The following SLC9C1 variants were observed in gnomAD, a reference collection of about 807,000 sequenced individuals.
SLC9C1 encodes solute carrier family 9 member C1, also known as sodium/hydrogen exchanger 10.
In SLC9C1, 97 loss-of-function variants were observed where a neutral mutation model predicts 140.9. The observed-to-expected ratio is 0.69, with a 90% confidence interval of 0.58 to 0.82. The LOEUF is 0.82. Ranked by LOEUF, SLC9C1 falls within the 40% of genes least tolerant of loss-of-function variation. The pLI, the probability that SLC9C1 is intolerant of heterozygous loss-of-function variation, is 0.00. For synonymous variants in SLC9C1, 440 were observed against 442.6 expected, an observed-to-expected ratio of 0.99 and a Z score of 0.07; for missense variants, 1,340 against 1,389.3, an observed-to-expected ratio of 0.96 and a Z score of 0.56.
intron 13 of SLC9C1, among the ~76,000 whole-genome samples, chr3:112,230,491 G>T (rs2078791450): frequency 6.6e-6 from 1 of 152,198 alleles, no homozygotes; most frequent in African/African-American, 2.4e-5. Context: ...CACCATGTGG[G>T]CATTAGCTTC....
At chr3:112,205,862 T>C (rs1253168568) in intron 16 of SLC9C1, among the ~76,000 whole-genome samples, 1 of 84,784 alleles carries the variant, frequency 1.2e-5, no homozygotes, top group Non-Finnish European at 2.5e-5. Flanking sequence ...TCAAGATGGA[T>C]TAAAGACTTA....
At chr3:112,166,071 G>C (rs574070236) in intron 26 of SLC9C1, among the ~76,000 whole-genome samples, 2 of 152,240 alleles carry the variant, frequency 1.3e-5, no homozygotes, top group African/African-American at 4.8e-5. Context: ...CTCCAAGCCA[G>C]GCGCTGGATA....
In SLC9C1 at chr3:112,236,983, G is replaced by A. The variant is rs7640503; in HGVS notation, c.1446+2857C>T. Among the ~76,000 whole-genome samples the A allele has an allele frequency of 4.9e-3, 745 of 152,284 alleles. 8 individuals are homozygous for A. Among genetic ancestry groups the A allele is most frequent in the African/African-American group, 0.017 (705 of 41,550 alleles). Reference sequence around the variant, plus strand: ...AGTTCTGTAGATGTCTGTTAGGTCCGCTTGGTGCAGAGCTGAGCTCATTTC... The same window carrying A: ...AGTTCTGTAGATGTCTGTTAGGTCCACTTGGTGCAGAGCTGAGCTCATTTC... On this transcript the variant is annotated intron_variant, in intron 12 of 28. Coordinates refer to ENST00000305815, the MANE Select transcript of SLC9C1 (RefSeq NM_183061.3).
Position 112,275,011 on chromosome 3 carries a change from G to A in SLC9C1, c.499C>T (p.Leu167Phe). 1 of 1,568,858 alleles carries A rather than the reference G, an allele frequency of 6.4e-7. No homozygotes were observed. The change falls in exon 6 of 29, where the codon CTC (leucine) becomes TTC (phenylalanine). Residue 167 changes from leucine (L) to phenylalanine (F), a missense_variant. Physicochemically the swap from Leu to Phe is conservative, Grantham distance 22 (BLOSUM62 0). Transcript: ENST00000305815. The part of the protein sequence containing the change: ...AIRDLGLSRS[L>F]ISLINGESLM... ...CTTTCTCCATTAATTAAACTGATGA[G>A]GCTTCTAGAAAGCCCTACATATGTT...
chr3:112,231,445 A>G lies in SLC9C1; in HGVS notation c.1488T>C (p.Cys496=), dbSNP rs1211181971. 1.2e-6 allele frequency: 2 copies of G among 1,612,798 alleles called. No individual in the cohort carries two copies. The highest frequency in any genetic ancestry group is 1.7e-6 in the Non-Finnish European group (2 of 1,179,448). Residue 496 remains cysteine, a synonymous_variant, in exon 13 of 29, where the codon TGT becomes TGC. Coordinates refer to ENST00000305815, the MANE Select transcript of SLC9C1 (RefSeq NM_183061.3). The part of the protein sequence containing the change: ...EETTEHQKVK[C]PHCNKEIDEI... ...CATCTATTTCCTTGTTACAGTGTGG[A>G]CATTTCACCTTCTGATGTTCTGTTG...
rs187180007 is a variant in SLC9C1 at position 112,282,624 on chromosome 3, A to G, written c.89-1841T>C. On this transcript the variant is annotated intron_variant, in intron 2 of 28. Transcript: ENST00000305815. ...TTCTCACTTTTTTGTCCTAATCCTA[A>G]TAATTTGTTAAGGGCAGTACATTGT... Among the ~76,000 whole-genome samples, 16 of 151,424 alleles carry G rather than the reference A, an allele frequency of 1.1e-4. No individual in the cohort carries two copies. In the East Asian group the frequency reaches 3.1e-3, roughly 30 times the overall value.
At chr3:112,223,576 CAAAGAAT>C (rs982388819) in intron 13 of SLC9C1, among the ~76,000 whole-genome samples, 2 of 150,262 alleles carry the variant, frequency 1.3e-5, no homozygotes, top group African/African-American at 2.5e-5. Context: ...AACAAATAAA[CAAAGAAT>C]GATATATCTC....
intron 7 of SLC9C1, among the ~76,000 whole-genome samples, chr3:112,269,019 ATTTAGCTTTACTTGAT>A (rs1184817724): frequency 6.6e-6 from 1 of 152,234 alleles, no homozygotes; most frequent in African/African-American, 2.4e-5. Context: ...ATACTCTAAC[ATTTAGCTTTACTTGAT>A]ATGTAACTTC....
intron 28 of SLC9C1, chr3:112,151,328 T>C (rs2074971722): frequency 1.9e-6 from 1 of 518,834 alleles, no homozygotes; most frequent in Non-Finnish European, 3.8e-6. Context: ...TTGCTTTCTT[T>C]TATCCTCTCT....
intron 1 of SLC9C1, among the ~76,000 whole-genome samples, chr3:112,290,814 C>CTTTTTTTTTTTT (rs11412854): frequency 7.2e-6 from 1 of 137,956 alleles, no homozygotes; most frequent in Non-Finnish European, 1.5e-5. Context: ...TCTTTTCCTT[C>CTTTTTTTTTTTT]TTTTTTTTTT....
At chr3:112,169,090 A>G (rs768773809) in intron 24 of SLC9C1, 28 bp from the exon 25 acceptor site, 13 of 1,576,088 alleles carry the variant, frequency 8.2e-6, no homozygotes, top group Non-Finnish European at 1.1e-5. Flanking sequence ...ATTTCAGTCT[A>G]TTATTAGTCT....
chr3:112,206,915 A>G (rs1372629077), intron 16 of SLC9C1, among the ~76,000 whole-genome samples: 1 of 152,194 alleles, frequency 6.6e-6, no homozygotes, highest in Non-Finnish European at 1.5e-5. Flanking sequence ...TAATGGGTGC[A>G]GCAAACCAAC....
chr3:112,251,005 T>G (rs2096187229), intron 10 of SLC9C1, among the ~76,000 whole-genome samples: 1 of 152,114 alleles, frequency 6.6e-6, no homozygotes, highest in Non-Finnish European at 1.5e-5. Flanking sequence ...CCATCAATTG[T>G]AGACTGGATA....
chr3:112,199,358 C>T lies in SLC9C1; in HGVS notation c.2486G>A (p.Gly829Glu), dbSNP rs762384584. 4 of 1,586,070 alleles carry T rather than the reference C, an allele frequency of 2.5e-6. No individual in the cohort carries two copies. The South Asian group carries it at 4.8e-5, about 19-fold the overall frequency. The stretch of plus-strand genomic sequence containing the variant: ...AGCACCTTCAGTTTTACTAATAATT[C>T]CTTTTAAGCCAAAAGCCTTAAGAAT... ...TEILKAFGLK[G>E]IISKTEGAGI... is the part of the protein sequence containing the mutation. The change falls in exon 20 of 29, where the codon GGA becomes GAA. Residue 829 changes from glycine to glutamate, a missense_variant. Physicochemically the swap from Gly to Glu is moderately conservative, Grantham distance 98. Coordinates refer to ENST00000305815, the MANE Select transcript of SLC9C1 (RefSeq NM_183061.3).
chr3:112,264,203 A>G lies in SLC9C1; in HGVS notation c.1019T>C (p.Leu340Ser). 8.5e-7 allele frequency: 1 copy of G among 1,172,536 alleles called. No individual in the cohort carries two copies. Among genetic ancestry groups the G allele is most frequent in the Non-Finnish European group, 1.1e-6 (1 of 891,950 alleles). 72.6% of individuals were successfully genotyped at this position (1,172,536 alleles called of 1,614,324 possible). Residue 340 changes from leucine (L) to serine (S), a missense_variant, in exon 9 of 29, where the codon TTA (leucine) becomes TCA (serine). Transcript: ENST00000305815. ...AAAATTTTAATGATGTTCTTACCTT[A>G]AAACAATCAATGTTAAGTAGATATT... Reference protein sequence around the residue: ...SLNIYLTLIVLRFLTLLLISP... With the variant: ...SLNIYLTLIVSRFLTLLLISP...
At chr3:112,263,875 A>T (rs1261615245) in intron 9 of SLC9C1, among the ~76,000 whole-genome samples, 1 of 151,872 alleles carries the variant, frequency 6.6e-6, no homozygotes, top group Non-Finnish European at 1.5e-5. Flanking sequence ...ATTAATAGAA[A>T]ATTGTTTGTT....
intron 4 of SLC9C1, 57 bp downstream of exon 4, chr3:112,278,668 ATTTG>A: frequency 6.6e-7 from 1 of 1,506,916 alleles, no homozygotes; most frequent in Non-Finnish European, 8.8e-7. Context: ...TATTTTAAAA[ATTTG>A]AACATAGATA....
intron 1 of SLC9C1, among the ~76,000 whole-genome samples, chr3:112,289,330 A>T (rs182965054): frequency 6.6e-6 from 1 of 152,328 alleles, no homozygotes; most frequent in Middle Eastern, 3.4e-3. Flanking sequence ...TGTCTGGGTA[A>T]TTTTGGAAAA....
chr3:112,179,845 G>A, intron 22 of SLC9C1, 144 bp from the exon 23 acceptor site: 1 of 660,276 alleles, frequency 1.5e-6, no homozygotes, highest in South Asian at 3.4e-5. Flanking sequence ...TTCTTTTTAA[G>A]TAAAATTATT....
Sources: gnomAD v4.1 joint callset for allele counts (sites outside exome capture counted in the v4.1 genomes callset) on GRCh38, gnomAD v4.1.1 for gene constraint, MANE v1.5 for transcripts, NCBI Gene and HGNC (gene_info 2026-07-23, HGNC 2026-07-21) for gene names.